The following KCNH7 variants were observed in gnomAD, a reference collection of about 807,000 sequenced individuals.
The protein encoded by KCNH7 is voltage-gated inwardly rectifying potassium channel KCNH7.
A neutral mutation model predicts 120.8 loss-of-function variants in KCNH7; 49 were observed. The observed-to-expected ratio is 0.41, with a 90% CI of 0.32 to 0.51. KCNH7 has a LOEUF of 0.51. KCNH7 is among the 20% of genes least tolerant of loss of function. The pLI is 0.38. For missense variants in KCNH7, 1,097 were observed against 1,446.6 expected (o/e 0.76, Z 3.92); for synonymous variants, 547 against 516.1 (o/e 1.06, Z -0.81).
At chr2:162,806,768 A>C (rs1684551400) in intron 2 of KCNH7, among the ~76,000 whole-genome samples, 1 of 152,198 alleles carries the variant, frequency 6.6e-6, no homozygotes, top group African/African-American at 2.4e-5. Context: ...GGTTTCGGTA[A>C]ATCTGAAGTT....
intron 11 of KCNH7, among the ~76,000 whole-genome samples, 189 bp from the exon 12 acceptor site, chr2:162,394,674 AT>A (rs1177367927): frequency 4.6e-5 from 7 of 151,960 alleles, no homozygotes. Context: ...AGATAGAATA[AT>A]TTTTAGTACT....
intron 2 of KCNH7, among the ~76,000 whole-genome samples, chr2:162,775,450 C>T (rs16847282): frequency 0.03 from 4,489 of 152,088 alleles, 225 homozygotes; most frequent in African/African-American, 0.1. Context: ...TGGTTTGGGG[C>T]TACGGAATAG....
intron 6 of KCNH7, among the ~76,000 whole-genome samples, chr2:162,495,924 A>G (rs1690482013): frequency 6.6e-6 from 1 of 152,198 alleles, no homozygotes; most frequent in South Asian, 2.1e-4. Flanking sequence ...AGGGATAACT[A>G]TAGCCACCAG....
At chr2:162,789,286 C>A (rs1238660282) in intron 2 of KCNH7, among the ~76,000 whole-genome samples, 1 of 151,764 alleles carries the variant, frequency 6.6e-6, no homozygotes, top group African/African-American at 2.4e-5. Flanking sequence ...AAAGACAAGA[C>A]TATTAAAATT....
At chr2:162,837,006 A>G (rs941443486) in intron 1 of KCNH7, among the ~76,000 whole-genome samples, 1 of 152,214 alleles carries the variant, frequency 6.6e-6, no homozygotes, top group African/African-American at 2.4e-5. Flanking sequence ...AAATTGCAAG[A>G]ATAGAATTTC....
chr2:162,734,696 AT>A (rs74833688), intron 2 of KCNH7, among the ~76,000 whole-genome samples: 25,792 of 147,988 alleles, frequency 0.17, 2,617 homozygotes, highest in East Asian at 0.35. Context: ...ATTGGAGAGC[AT>A]TTTTTTTTTT....
intron 6 of KCNH7, chr2:162,496,915 G>A (rs958300917): frequency 6.6e-6 from 1 of 152,142 alleles, no homozygotes; most frequent in Non-Finnish European, 1.5e-5. Context: ...TACAGAACAT[G>A]TTAAGATATT....
chr2:162,691,918 G>A (rs981890819), intron 2 of KCNH7, among the ~76,000 whole-genome samples: 3 of 152,136 alleles, frequency 2.0e-5, no homozygotes, highest in Admixed American at 1.3e-4. Context: ...CAGTGTCCCT[G>A]AGGTTAAGAT....
At chr2:162,499,483 T>G (rs1690605576) in intron 6 of KCNH7, among the ~76,000 whole-genome samples, 1 of 152,134 alleles carries the variant, frequency 6.6e-6, no homozygotes. Context: ...ACACATCTTC[T>G]GAGAATTATT....
At chr2:162,431,021 A>C (rs532825137) in intron 8 of KCNH7, among the ~76,000 whole-genome samples, 1 of 152,168 alleles carries the variant, frequency 6.6e-6, no homozygotes, top group South Asian at 2.1e-4. Flanking sequence ...AAAATGTATT[A>C]TCTGGTTACT....
At chr2:162,686,546 T>C (rs1685899760) in intron 2 of KCNH7, among the ~76,000 whole-genome samples, 1 of 152,168 alleles carries the variant, frequency 6.6e-6, no homozygotes, top group African/African-American at 2.4e-5. Context: ...GGATCATGTT[T>C]TACAAATGTT....
chr2:162,822,241 G>A (rs111711353), intron 2 of KCNH7, among the ~76,000 whole-genome samples: 3,929 of 151,620 alleles, frequency 0.026, 168 homozygotes, highest in African/African-American at 0.09. Flanking sequence ...ACACTCAATA[G>A]GCATATCAAC....
intron 6 of KCNH7, among the ~76,000 whole-genome samples, chr2:162,495,497 G>A (rs897036925): frequency 6.6e-6 from 1 of 152,096 alleles, no homozygotes; most frequent in Non-Finnish European, 1.5e-5. Context: ...CAATTTAAAA[G>A]CCTATGTTAA....
chr2:162,597,733 G>A (rs1338265350), intron 2 of KCNH7, among the ~76,000 whole-genome samples: 3 of 152,064 alleles, frequency 2.0e-5, no homozygotes, highest in African/African-American at 7.2e-5. Flanking sequence ...AGTATGTAAG[G>A]TGATGAATAA....
chr2:162,625,567 G>A (rs1683523036), intron 2 of KCNH7, among the ~76,000 whole-genome samples: 1 of 152,124 alleles, frequency 6.6e-6, no homozygotes, highest in South Asian at 2.1e-4. Context: ...AGAAAAGGAT[G>A]CTTTGTAGTT....
intron 2 of KCNH7, among the ~76,000 whole-genome samples, chr2:162,707,329 G>C (rs1052077732): frequency 6.6e-6 from 1 of 152,002 alleles, no homozygotes; most frequent in Non-Finnish European, 1.5e-5. Context: ...AGAAAGCATT[G>C]ATATCAGTTG....
chr2:162,678,775 A>G (rs1381642622), intron 2 of KCNH7, among the ~76,000 whole-genome samples: 1 of 151,496 alleles, frequency 6.6e-6, no homozygotes, highest in Non-Finnish European at 1.5e-5. Flanking sequence ...AATTCTTGTG[A>G]TTGGTCATAT....
intron 2 of KCNH7, among the ~76,000 whole-genome samples, chr2:162,769,254 C>T (rs1682946423): frequency 1.2e-5 from 1 of 82,206 alleles, no homozygotes; most frequent in African/African-American, 7.5e-5. Flanking sequence ...TTATTTCTAC[C>T]TGATATGCAC....
At chr2:162,472,448 CA>C (rs1456337522) in intron 6 of KCNH7, among the ~76,000 whole-genome samples, 7 of 152,172 alleles carry the variant, frequency 4.6e-5, no homozygotes, top group Non-Finnish European at 8.8e-5. Flanking sequence ...AGACACTTCA[CA>C]AAAGAAGACA....
Sources: allele counts gnomAD v4.1 joint callset (sites outside exome capture counted in the v4.1 genomes callset), GRCh38; gene constraint gnomAD v4.1.1; transcripts MANE v1.5; gene names NCBI Gene and HGNC (gene_info 2026-07-23, HGNC 2026-07-21).